The following COL4A6 variants were observed in gnomAD, a reference collection of about 807,000 sequenced individuals.
COL4A6 encodes the protein collagen alpha-6(IV) chain.
COL4A6 carries 59 observed loss-of-function variants against 126.7 expected under a neutral mutation model. The ratio of observed to expected loss-of-function variants is 0.47; its 90% CI spans 0.38 to 0.58. The LOEUF (loss-of-function observed/expected upper bound fraction) is 0.58, where lower values mean the gene tolerates loss of function less well. Among genes scored for constraint, COL4A6 ranks in the 20% least tolerant of loss-of-function variants. The pLI, the probability that COL4A6 is intolerant of heterozygous loss-of-function variation, is 0.00. For missense variants in COL4A6, 1,285 were observed against 1,337.3 expected, an observed-to-expected ratio of 0.96 and a Z score of 0.61; for synonymous variants, 547 against 496.6, an observed-to-expected ratio of 1.10 and a Z score of -1.35.
At chrX:108,235,425 G>A (rs1203192350) in intron 3 of COL4A6, among the ~76,000 whole-genome samples, 1 of 111,470 alleles carries the variant, frequency 9.0e-6, no homozygotes, top group Non-Finnish European at 1.9e-5. Flanking sequence ...GCAACCTGAG[G>A]ATTCACATGT....
chrX:108,417,907 A>G (rs753391146), intron 2 of COL4A6, among the ~76,000 whole-genome samples: 1 of 112,390 alleles, frequency 8.9e-6, no homozygotes, highest in African/African-American at 3.2e-5. Flanking sequence ...AAGAAAGTTA[A>G]ATCATATTAT....
rs779362365 is a variant in COL4A6 at position 108,247,965 on chromosome X, A to G, written c.145-26591T>C. ...TAACTATATGAAGAAAATGTTAAGC[A>G]TCTGTGCATACATTTCTGAGGAGAG... On this transcript the variant is annotated intron_variant, in intron 3 of 44. Coordinates refer to ENST00000334504, the MANE Select transcript of COL4A6 (RefSeq NM_033641.4). Among the ~76,000 whole-genome samples, 3 of 111,745 alleles carry G rather than the reference A, an allele frequency of 2.7e-5. No individual in the cohort carries two copies. The East Asian group carries it at 8.5e-4, about 32-fold the overall frequency.
At position 108,329,871 on chromosome X, in the gene COL4A6, A is replaced by G. The variant is rs149743666; in HGVS notation, c.64-19043T>C. Among the ~76,000 whole-genome samples, 801 of 110,795 alleles carry G rather than the reference A, an allele frequency of 7.2e-3. 8 individuals are homozygous for G. The highest frequency in any genetic ancestry group is 0.025 in the African/African-American group (757 of 30,444). ...GAAGGAAAAAGAGGAGTCGAAGGTGACTCTTTCAGCTTGAGCAACAGGGAG... is the reference window on the plus strand; with the variant it reads ...GAAGGAAAAAGAGGAGTCGAAGGTGGCTCTTTCAGCTTGAGCAACAGGGAG... On this transcript the variant is annotated intron_variant, in intron 2 of 44. Coordinates refer to ENST00000334504, the MANE Select transcript of COL4A6 (RefSeq NM_033641.4).
chrX:108,242,781 C>G (rs1024073558), intron 3 of COL4A6, among the ~76,000 whole-genome samples: 2 of 110,938 alleles, frequency 1.8e-5, no homozygotes, highest in African/African-American at 6.6e-5. Flanking sequence ...GAGACTTACC[C>G]AGTCTGGATG....
chrX:108,367,823 G>C (rs1056322447), intron 2 of COL4A6, among the ~76,000 whole-genome samples: 1 of 111,369 alleles, frequency 9.0e-6, no homozygotes, highest in Non-Finnish European at 1.9e-5. Context: ...CGATTTACTG[G>C]TCCTACACAT....
At chrX:108,271,359 T>A (rs1026090319) in intron 3 of COL4A6, among the ~76,000 whole-genome samples, 1 of 112,238 alleles carries the variant, frequency 8.9e-6, no homozygotes, top group Non-Finnish European at 1.9e-5. Flanking sequence ...CTAAAGATGA[T>A]CCTATGCTTC....
intron 2 of COL4A6, among the ~76,000 whole-genome samples, chrX:108,413,348 G>T (rs1168551430): frequency 8.9e-6 from 1 of 112,349 alleles, no homozygotes; most frequent in Non-Finnish European, 1.9e-5. Flanking sequence ...TAACACTGGC[G>T]TCTAGTGTCA....
chrX:108,157,286 T>C, intron 44 of COL4A6, 26 bp from the exon 45 acceptor site: 1 of 1,195,770 alleles, frequency 8.4e-7, no homozygotes, highest in Middle Eastern at 2.4e-4. Flanking sequence ...GATTAGTGCA[T>C]GAGCTGTGCC....
At chrX:108,345,278 G>C (rs769203417) in intron 2 of COL4A6, among the ~76,000 whole-genome samples, 3 of 111,330 alleles carry the variant, frequency 2.7e-5, no homozygotes, top group Non-Finnish European at 3.8e-5. Flanking sequence ...ATGAAGAGTG[G>C]ATCTTACCAC....
At chrX:108,247,955 A>G (rs1203269409) in intron 3 of COL4A6, among the ~76,000 whole-genome samples, 1 of 111,517 alleles carries the variant, frequency 9.0e-6, no homozygotes, top group Non-Finnish European at 1.9e-5. Flanking sequence ...ATATGAAGAA[A>G]ATGTTAAGCA....
chrX:108,342,741 AGG>A (rs1462618067), intron 2 of COL4A6, among the ~76,000 whole-genome samples: 1 of 111,627 alleles, frequency 9.0e-6, no homozygotes, highest in Non-Finnish European at 1.9e-5. Context: ...GTGCTTGTCT[AGG>A]TAGCTACCCA....
At chrX:108,298,774 G>A (rs763755535) in intron 3 of COL4A6, among the ~76,000 whole-genome samples, 1 of 109,492 alleles carries the variant, frequency 9.1e-6, no homozygotes, top group African/African-American at 3.3e-5. Context: ...AGGCTCTGGT[G>A]CCTCCAAGGG....
intron 3 of COL4A6, among the ~76,000 whole-genome samples, chrX:108,234,342 C>T (rs1359501149): frequency 9.0e-6 from 1 of 111,682 alleles, no homozygotes; most frequent in Non-Finnish European, 1.9e-5. Flanking sequence ...TGTCATGTAA[C>T]TCCACCAAAA....
rs1355677512 is a variant in COL4A6, at chrX:108,159,635, T to C, written c.4639A>G (p.Thr1547Ala). ...ACGGGCATCATGGGGATAGGGGCGG[T>C]AGTGGAGAGCCAGTAAGATTTATCA... ...RNDKSYWLST[T>A]APIPMMPVSQ... is the part of the protein sequence containing the mutation. Residue 1547 changes from threonine (T) to alanine (A), a missense_variant, in exon 44 of 45, where the codon ACC becomes GCC. Physicochemically the swap from Thr to Ala is moderately conservative, Grantham distance 58. Transcript: ENST00000334504. The C allele has an allele frequency of 1.7e-6, 2 of 1,209,896 alleles. No homozygotes were observed. The highest frequency in any genetic ancestry group is 2.2e-6 in the Non-Finnish European group (2 of 895,168).
At chrX:108,284,548 C>A (rs1354527045) in intron 3 of COL4A6, among the ~76,000 whole-genome samples, 1 of 111,829 alleles carries the variant, frequency 8.9e-6, no homozygotes, top group Non-Finnish European at 1.9e-5. Context: ...CAAAACAAAA[C>A]AAACTACCAA....
intron 20 of COL4A6, 40 bp downstream of exon 20, chrX:108,190,352 G>C: frequency 5.1e-6 from 5 of 979,924 alleles, no homozygotes; most frequent in Non-Finnish European, 7.2e-6. Context: ...CCTTCTCTAA[G>C]GAGTTTGGAG....
rs1380690463 is a variant in COL4A6 at position 108,167,480 on chromosome X, C to T, written c.3692-1994G>A. Among the ~76,000 whole-genome samples the T allele has an allele frequency of 4.5e-5, 5 of 110,799 alleles. No homozygotes were observed. In the Admixed American group the frequency reaches 4.8e-4, roughly 11 times the overall value. ...GCCCCCGAGTAGCTGGGATTACAGG[C>T]GCACACCACTATGCCCTGCTAATTT... On this transcript the variant is annotated intron_variant, in intron 37 of 44. Transcript: ENST00000334504.
rs376944734 is a variant in COL4A6, at chrX:108,274,450, C to T, written c.144+36298G>A. Among the ~76,000 whole-genome samples, 22 of 111,070 alleles carry T rather than the reference C, an allele frequency of 2.0e-4. No individual in the cohort carries two copies. In the South Asian group the frequency reaches 7.3e-3, roughly 37 times the overall value. ...TGCCTTCTGGTATGTAAGAACCAGACGCAGGAGGTGGTTCAGAGTGTGGGC... is the reference window on the plus strand; with the variant it reads ...TGCCTTCTGGTATGTAAGAACCAGATGCAGGAGGTGGTTCAGAGTGTGGGC... On this transcript the variant is annotated intron_variant, in intron 3 of 44. Coordinates refer to ENST00000334504, the MANE Select transcript of COL4A6 (RefSeq NM_033641.4).
intron 17 of COL4A6, among the ~76,000 whole-genome samples, 174 bp downstream of exon 17, chrX:108,193,454 C>A (rs2035115052): frequency 9.0e-6 from 1 of 111,538 alleles, no homozygotes; most frequent in Non-Finnish European, 1.9e-5. Context: ...GCTTCCCTGA[C>A]CAAGAGATTG....
Sources: allele counts gnomAD v4.1 joint callset (sites outside exome capture counted in the v4.1 genomes callset), GRCh38; gene constraint gnomAD v4.1.1; transcripts MANE v1.5; gene names NCBI Gene and HGNC (gene_info 2026-07-23, HGNC 2026-07-21).